MOXD1: variants seen among roughly 807,000 people sequenced by gnomAD.
The protein encoded by MOXD1 is DBH-like monooxygenase protein 1.
MOXD1 carries 62 observed loss-of-function variants against 66.6 expected under a neutral mutation model. The observed-to-expected ratio is 0.93, with a 90% CI of 0.76 to 1.15. The LOEUF is 1.15. Among genes scored for constraint, MOXD1 ranks in the 50% most tolerant of loss-of-function variants. MOXD1 has a pLI of 0.00. For synonymous variants in MOXD1, 303 were observed against 281.9 expected (o/e 1.07, Z -0.75); for missense variants, 847 against 754.6 (o/e 1.12, Z -1.44).
intron 7 of MOXD1, among the ~76,000 whole-genome samples, chr6:132,323,419 G>C (rs1037882179): frequency 6.6e-6 from 1 of 152,110 alleles, no homozygotes; most frequent in African/African-American, 2.4e-5. Context: ...TTCATAAAGA[G>C]TATGATCCAT....
chr6:132,333,494 A>G (rs1182357273), intron 4 of MOXD1, among the ~76,000 whole-genome samples: 1 of 152,212 alleles, frequency 6.6e-6, no homozygotes, highest in Non-Finnish European at 1.5e-5. Context: ...AATTGTACGA[A>G]TTATTAAAGA....
rs1288528684 is a variant in MOXD1, at chr6:132,349,381, G to GTA, written c.664-20789_664-20788dup. Among the ~76,000 whole-genome samples the GTA allele has an allele frequency of 7.9e-4, 64 of 80,558 alleles. 8 individuals carry two copies. Among genetic ancestry groups the GTA allele is most frequent in the Admixed American group, 5.9e-3 (37 of 6,312 alleles). 52.8% of individuals were successfully genotyped at this position (80,558 alleles called of 152,430 possible). ...TATTCCATCATATATATATATACAT[G>GTA]TATATATATATACACATATATATAC... On this transcript the variant is annotated intron_variant, in intron 4 of 11. Transcript: ENST00000367963.
intron 9 of MOXD1, among the ~76,000 whole-genome samples, chr6:132,319,580 G>A (rs193243030): frequency 1.9e-4 from 29 of 151,564 alleles, no homozygotes; most frequent in Admixed American, 9.2e-4. Context: ...TTTGGAGGAG[G>A]GTTTGATGCA....
chr6:132,328,332 T>A (rs183408441), intron 5 of MOXD1, 83 bp downstream of exon 5: 513 of 1,529,588 alleles, frequency 3.4e-4, no homozygotes, highest in Admixed American at 9.1e-4. Flanking sequence ...AAAGCTTTAC[T>A]TCTAAGTATT....
intron 4 of MOXD1, among the ~76,000 whole-genome samples, chr6:132,371,520 A>G (rs969233860): frequency 3.9e-5 from 6 of 152,190 alleles, no homozygotes; most frequent in African/African-American, 1.4e-4. Flanking sequence ...AACTAGGGAA[A>G]TATATTAGAA....
At chr6:132,335,800 C>A (rs563894031) in intron 4 of MOXD1, among the ~76,000 whole-genome samples, 1 of 152,348 alleles carries the variant, frequency 6.6e-6, no homozygotes, top group East Asian at 1.9e-4. Flanking sequence ...CTACCTAGGT[C>A]ATGATTGTCC....
At chr6:132,381,325 TTC>T (rs1465310064) in intron 1 of MOXD1, among the ~76,000 whole-genome samples, 7 of 152,240 alleles carry the variant, frequency 4.6e-5, no homozygotes, top group African/African-American at 1.2e-4. Context: ...ACCTTATTTC[TTC>T]TGTCTGTATT....
At chr6:132,301,243 CAG>C (rs1480821430) in intron 10 of MOXD1, among the ~76,000 whole-genome samples, 1 of 149,886 alleles carries the variant, frequency 6.7e-6, no homozygotes, top group Non-Finnish European at 1.5e-5. Context: ...CAATAAAAAA[CAG>C]TGTTATTATT....
At chr6:132,297,568 C>T (rs1774437193) in intron 11 of MOXD1, among the ~76,000 whole-genome samples, 2 of 152,158 alleles carry the variant, frequency 1.3e-5, no homozygotes, top group Admixed American at 6.5e-5. Flanking sequence ...CCTGTTCCTG[C>T]TCTATCCCAA....
In MOXD1 at chr6:132,340,431, G is replaced by T. The variant is rs549395846; in HGVS notation, c.664-11837C>A. On this transcript the variant is annotated intron_variant, in intron 4 of 11. Transcript: ENST00000367963. Reference sequence around the variant, plus strand: ...TCTGAGAAATGAGCACTGGCAGCAAGCAACACTTTCTTTTTTTTTTTTTTT... The same window carrying T: ...TCTGAGAAATGAGCACTGGCAGCAATCAACACTTTCTTTTTTTTTTTTTTT... 1.1e-3 allele frequency among the ~76,000 whole-genome samples: 157 copies of T among 143,082 alleles called. 3 individuals are homozygous for T. In the South Asian group the frequency reaches 0.032, roughly 29 times the overall value. 93.9% of individuals were successfully genotyped at this position (143,082 alleles called of 152,430 possible). A position where few individuals can be genotyped will look rare whatever the true frequency, so the allele number is the denominator to read the frequency against.
In MOXD1 at chr6:132,328,707, T is replaced by C. The variant is rs1195483588; in HGVS notation, c.664-113A>G. The C allele has an allele frequency of 1.4e-5, 14 of 1,000,590 alleles. No homozygotes were observed. The Admixed American group carries it at 3.6e-4, about 26-fold the overall frequency. 62.0% of individuals were successfully genotyped at this position (1,000,590 alleles called of 1,614,324 possible). A position where few individuals can be genotyped will look rare whatever the true frequency, so the allele number is the denominator to read the frequency against. On this transcript the variant is annotated intron_variant, in intron 4 of 11. Transcript: ENST00000367963. ...TGTCAGTTTCTCAAAGGGATATTCT[T>C]CTCAATTATGTCAAGGTTGTGTAGT...
intron 10 of MOXD1, among the ~76,000 whole-genome samples, chr6:132,306,957 G>A (rs1019831415): frequency 6.6e-6 from 1 of 152,094 alleles, no homozygotes; most frequent in Non-Finnish European, 1.5e-5. Context: ...GCATCAACTA[G>A]TGTGCAAAAT....
rs1397113259 is a variant in MOXD1, at chr6:132,297,333, C to G, written c.1678-16G>C. On this transcript the variant is annotated splice_polypyrimidine_tract_variant and intron_variant, in intron 11 of 11. Transcript: ENST00000367963. ...TTCCTTGAATCTGAAAATGGAAGCACAAACAATGCAAATGAACATCTGATT... is the reference window on the plus strand; with the variant it reads ...TTCCTTGAATCTGAAAATGGAAGCAGAAACAATGCAAATGAACATCTGATT... 1.9e-6 allele frequency: 3 copies of G among 1,610,206 alleles called. No homozygotes were observed. Among genetic ancestry groups the G allele is most frequent in the Non-Finnish European group, 2.5e-6 (3 of 1,177,856 alleles).
chr6:132,334,721 C>T (rs764821374), intron 4 of MOXD1, among the ~76,000 whole-genome samples: 14 of 152,150 alleles, frequency 9.2e-5, no homozygotes, highest in Non-Finnish European at 1.3e-4. Context: ...GAGAGGAAAG[C>T]GTTTCTATCC....
chr6:132,387,600 A>T (rs1350628117), intron 1 of MOXD1, among the ~76,000 whole-genome samples: 1 of 150,328 alleles, frequency 6.7e-6, no homozygotes, highest in Admixed American at 6.7e-5. Context: ...CTAAAAATAC[A>T]AAAATTAGCC....
chr6:132,362,147 A>C lies in MOXD1; in HGVS notation c.663+10461T>G, dbSNP rs541293183. On this transcript the variant is annotated intron_variant, in intron 4 of 11. Transcript: ENST00000367963. ...TGTTTCCATTGAAAATAGAAAACAA[A>C]AAAATAAAATTGACCTGTGATATCC... is the stretch of plus-strand genomic sequence containing the variant. Among the ~76,000 whole-genome samples the C allele has an allele frequency of 1.4e-3, 217 of 152,286 alleles. 3 individuals are homozygous for C. The highest frequency in any genetic ancestry group is 0.012 in the Admixed American group (177 of 15,304).
chr6:132,383,044 G>C (rs1582606713), intron 1 of MOXD1, among the ~76,000 whole-genome samples: 2 of 152,184 alleles, frequency 1.3e-5, no homozygotes, highest in Admixed American at 6.5e-5. Flanking sequence ...TGTAAGCACA[G>C]CTGCAGGGAG....
At chr6:132,309,550 T>A (rs1479390621) in intron 10 of MOXD1, among the ~76,000 whole-genome samples, 1 of 152,002 alleles carries the variant, frequency 6.6e-6, no homozygotes, top group African/African-American at 2.4e-5. Context: ...CAAAGAAGAC[T>A]CTGTATAGCT....
intron 9 of MOXD1, among the ~76,000 whole-genome samples, chr6:132,317,125 T>C (rs1774976469): frequency 1.3e-5 from 2 of 152,094 alleles, no homozygotes; most frequent in Non-Finnish European, 2.9e-5. Flanking sequence ...CAAAAAGATA[T>C]TGAATTATAT....
Sources: gnomAD v4.1 joint callset for allele counts (sites outside exome capture counted in the v4.1 genomes callset) on GRCh38, gnomAD v4.1.1 for gene constraint, MANE v1.5 for transcripts, NCBI Gene and HGNC (gene_info 2026-07-23, HGNC 2026-07-21) for gene names.